JAK2: variants seen among roughly 807,000 people sequenced by gnomAD.
JAK2 encodes the protein tyrosine-protein kinase JAK2.
In JAK2, 86 loss-of-function variants were observed where a neutral mutation model predicts 139.3. The observed-to-expected ratio is 0.62, with a 90% confidence interval of 0.52 to 0.74. The LOEUF is 0.74. Ranked by LOEUF, JAK2 falls within the 30% of genes least tolerant of loss-of-function variation. The pLI, the probability that JAK2 is intolerant of heterozygous loss-of-function variation, is 0.00. For synonymous variants in JAK2, 490 were observed against 437.7 expected, an observed-to-expected ratio of 1.12 and a Z score of -1.49; for missense variants, 1,421 against 1,360.3, an observed-to-expected ratio of 1.04 and a Z score of -0.70.
In JAK2 at chr9:5,054,991, G is replaced by T; in HGVS notation, c.936+107G>T. The T allele has an allele frequency of 1.3e-6, 1 of 771,116 alleles. No homozygotes were observed. Among genetic ancestry groups the T allele is most frequent in the Non-Finnish European group, 2.0e-6 (1 of 494,738 alleles). The allele number at this position is 771,116 out of a possible 1,614,324, so 47.8% of individuals were successfully genotyped here. A position where few individuals can be genotyped will look rare whatever the true frequency, so the allele number is the denominator to read the frequency against. ...ACATGGTATTGCACTTCTCCCATTT[G>T]ATAGAAGTGGAAGTTTTTAATAGCG... is the stretch of plus-strand genomic sequence containing the variant. On this transcript the variant is annotated intron_variant, in intron 7 of 24. Transcript: ENST00000381652. This position sits in a 1 kb window ranked among gnomAD's most constrained non-coding sequence, Gnocchi z 4.9.
In JAK2 at chr9:5,072,557, C is replaced by G; in HGVS notation, c.1707C>G (p.Asp569Glu). 1 of 1,610,636 alleles carries G rather than the reference C, an allele frequency of 6.2e-7. No homozygotes were observed. Among genetic ancestry groups the G allele is most frequent in the Non-Finnish European group, 8.5e-7 (1 of 1,177,646 alleles). Residue 569 changes from aspartate to glutamate, a missense_variant, in exon 13 of 25, where the codon GAC (aspartate) becomes GAG (glutamate). Physicochemically the swap from Asp to Glu is conservative, Grantham distance 45 (BLOSUM62 2). Coordinates refer to ENST00000381652, the MANE Select transcript of JAK2 (RefSeq NM_004972.4). ...AAGGCGTACGAAGAGAAGTAGGAGA[C>G]TACGGTCAACTGCATGAAACAGAAG... ...IFKGVRREVG[D>E]YGQLHETEVL...
At chr9:5,104,497 A>G (rs1409403306) in intron 22 of JAK2, among the ~76,000 whole-genome samples, 1 of 152,224 alleles carries the variant, frequency 6.6e-6, no homozygotes, top group Non-Finnish European at 1.5e-5. Flanking sequence ...AGGAGCTGAT[A>G]CCATTCCTTC....
At chr9:5,073,291 G>A (rs1223199625) in intron 13 of JAK2, among the ~76,000 whole-genome samples, 2 of 152,182 alleles carry the variant, frequency 1.3e-5, no homozygotes, top group Admixed American at 6.5e-5. Context: ...CAGATGTCGT[G>A]ATATTTTATC....
intron 2 of JAK2, among the ~76,000 whole-genome samples, chr9:4,991,271 G>A (rs1820224557): frequency 2.0e-5 from 3 of 152,098 alleles, no homozygotes; most frequent in Non-Finnish European, 4.4e-5. Context: ...TGGTCCATGG[G>A]CTGTTTACTT....
rs1050025621 is a variant in JAK2 at position 5,124,807 on chromosome 9, G to GT, written c.3178-1517dup. On this transcript the variant is annotated intron_variant, in intron 23 of 24. Coordinates refer to ENST00000381652, the MANE Select transcript of JAK2 (RefSeq NM_004972.4). ...AAAATCAACAAGAACATACATTCAA[G>GT]TTTTTTTTTAACATGAGAAAGGATT... Among the ~76,000 whole-genome samples, 35 of 150,928 alleles carry GT rather than the reference G, an allele frequency of 2.3e-4. No homozygotes were observed. The East Asian group carries it at 2.5e-3, about 11-fold the overall frequency.
At chr9:5,033,336 ACTTCCCT>A (rs1159628038) in intron 4 of JAK2, among the ~76,000 whole-genome samples, 1 of 152,254 alleles carries the variant, frequency 6.6e-6, no homozygotes, top group African/African-American at 2.4e-5. Flanking sequence ...ATCCAGGAGA[ACTTCCCT>A]AATCTAGCGA....
At position 5,059,154 on chromosome 9, in the gene JAK2, T is replaced by C. The variant is rs1817982556; in HGVS notation, c.1056+3366T>C. Among the ~76,000 whole-genome samples, 6 of 152,202 alleles carry C rather than the reference T, an allele frequency of 3.9e-5. No individual in the cohort carries two copies. In the South Asian group the frequency reaches 1.2e-3, roughly 31 times the overall value. ...GAATTTTTACATATTTGTACATCTT[T>C]GTAGCCACACCCACCTCAAAAAACA... On this transcript the variant is annotated intron_variant, in intron 8 of 24. Transcript: ENST00000381652.
chr9:5,034,103 A>C (rs982859810), intron 4 of JAK2, among the ~76,000 whole-genome samples: 5 of 152,200 alleles, frequency 3.3e-5, no homozygotes, highest in African/African-American at 1.2e-4. Context: ...AGTCTCGGAT[A>C]AAACAGACTT....
intron 2 of JAK2, among the ~76,000 whole-genome samples, chr9:4,991,613 G>A (rs115457515): frequency 0.015 from 2,218 of 152,156 alleles, 66 homozygotes; most frequent in African/African-American, 0.052. Flanking sequence ...GGGATCACAT[G>A]GTAAAATGTG....
chr9:5,032,145 T>A (rs1823205217), intron 4 of JAK2, among the ~76,000 whole-genome samples: 2 of 152,194 alleles, frequency 1.3e-5, no homozygotes, highest in African/African-American at 4.8e-5. Context: ...GGAGCCTCGC[T>A]CATTGCTAGC....
intron 7 of JAK2, 48 bp from the exon 8 acceptor site, chr9:5,055,621 G>C (rs1481974796): frequency 7.0e-7 from 1 of 1,421,488 alleles, no homozygotes; most frequent in Non-Finnish European, 9.7e-7. Flanking sequence ...TTTTAAAATG[G>C]CTCTGTAAAT....
intron 8 of JAK2, among the ~76,000 whole-genome samples, chr9:5,058,224 C>A (rs1044421376): frequency 1.3e-5 from 2 of 152,128 alleles, no homozygotes; most frequent in African/African-American, 2.4e-5. Context: ...TCCGTTCTCA[C>A]ACTGCTATAA....
chr9:5,085,627 G>T, intron 19 of JAK2: 1 of 710,624 alleles, frequency 1.4e-6, no homozygotes, highest in Non-Finnish European at 2.6e-6. Context: ...AGCAAGGACA[G>T]CCTTCTTTTC....
chr9:5,098,512 C>T (rs576081044), intron 22 of JAK2: 7 of 152,080 alleles, frequency 4.6e-5, no homozygotes, highest in Non-Finnish European at 1.0e-4. Flanking sequence ...ACCACAGATG[C>T]CCAAGAAATT....
At chr9:5,074,627 C>A (rs970464702) in intron 14 of JAK2, among the ~76,000 whole-genome samples, 1 of 152,182 alleles carries the variant, frequency 6.6e-6, no homozygotes, top group Admixed American at 6.5e-5. Context: ...CTGTCTCTCT[C>A]CCTCTCCTGG....
At chr9:5,081,552 G>C (rs532724475) in intron 18 of JAK2, among the ~76,000 whole-genome samples, 173 bp from the exon 19 acceptor site, 1 of 152,284 alleles carries the variant, frequency 6.6e-6, no homozygotes, top group East Asian at 1.9e-4. Flanking sequence ...AGGCCTGTCA[G>C]ATTATGGGTA....
At chr9:5,016,347 G>C (rs773631154) in intron 2 of JAK2, among the ~76,000 whole-genome samples, 1 of 152,148 alleles carries the variant, frequency 6.6e-6, no homozygotes. Context: ...GGTAGGCTAA[G>C]TTGTGGCAGC....
intron 13 of JAK2, 83 bp downstream of exon 13, chr9:5,072,709 C>G: frequency 9.6e-7 from 1 of 1,046,476 alleles, no homozygotes; most frequent in Non-Finnish European, 1.3e-6. Flanking sequence ...CTCATGTGTG[C>G]AGCTTTTCAA....
chr9:5,034,223 G>C (rs554241557), intron 4 of JAK2, among the ~76,000 whole-genome samples: 1 of 152,116 alleles, frequency 6.6e-6, no homozygotes, highest in African/African-American at 2.4e-5. Context: ...CAATACAGGA[G>C]CACCCAGATT....
Sources: gnomAD v4.1 joint callset for allele counts (sites outside exome capture counted in the v4.1 genomes callset) on GRCh38, gnomAD v4.1.1 for gene constraint, Gnocchi (gnomAD v3.1) non-coding constraint, MANE v1.5 for transcripts, NCBI Gene and HGNC (gene_info 2026-07-23, HGNC 2026-07-21) for gene names.